The following ASPM variants were observed in gnomAD, a reference collection of about 807,000 sequenced individuals.
ASPM encodes assembly factor for spindle microtubules, also known as abnormal spindle-like microcephaly-associated protein.
Under a neutral mutation model 366.4 loss-of-function variants are expected in ASPM, and 256 were observed. That is an observed-to-expected ratio of 0.70 (90% CI 0.63 to 0.77). The LOEUF is 0.77. ASPM is among the 30% of genes least tolerant of loss of function. The pLI is 0.00. For missense variants in ASPM, 4,146 were observed against 4,090.4 expected, an observed-to-expected ratio of 1.01 and a Z score of -0.37; for synonymous variants, 1,414 against 1,342.9, an observed-to-expected ratio of 1.05 and a Z score of -1.16.
At chr1:197,090,634 T>G (rs1656748948) in intron 23 of ASPM, among the ~76,000 whole-genome samples, 1 of 152,126 alleles carries the variant, frequency 6.6e-6, no homozygotes, top group Non-Finnish European at 1.5e-5. Context: ...ATTCAAAATG[T>G]TAAAATATTT....
In ASPM at chr1:197,128,526, T is replaced by C. The variant is rs1339529540; in HGVS notation, c.2900A>G (p.Asn967Ser). 3 of 1,613,758 alleles carry C rather than the reference T, an allele frequency of 1.9e-6. No homozygotes were observed. Among genetic ancestry groups the C allele is most frequent in the Non-Finnish European group, 2.5e-6 (3 of 1,179,832 alleles). Reference sequence around the variant, plus strand: ...TCCACATTGCAAGTCTACGGCAAGATTTGTAACGGCAAAATCAAATTCATC... The same window carrying C: ...TCCACATTGCAAGTCTACGGCAAGACTTGTAACGGCAAAATCAAATTCATC... The part of the protein sequence containing the change: ...PFDEFDFAVT[N>S]LAVDLQCGVR... Residue 967 changes from asparagine (N) to serine (S), a missense_variant, in exon 10 of 28, where the codon AAT (asparagine) becomes AGT (serine). Asn to Ser is a conservative substitution (Grantham distance 46, BLOSUM62 1). Transcript: ENST00000367409.
chr1:197,105,846 C>T (rs1193365090), intron 17 of ASPM, among the ~76,000 whole-genome samples: 1 of 152,000 alleles, frequency 6.6e-6, no homozygotes, highest in African/African-American at 2.4e-5. Flanking sequence ...GCTAATCCAA[C>T]TGTATGTTGG....
In ASPM at chr1:197,102,105, G is replaced by A. The variant is rs1468520011; in HGVS notation, c.7146C>T (p.Leu2382=). 1.9e-6 allele frequency: 3 copies of A among 1,612,884 alleles called. No individual in the cohort carries two copies. Among genetic ancestry groups the A allele is most frequent in the Non-Finnish European group, 2.5e-6 (3 of 1,179,330 alleles). Reference sequence around the variant, plus strand: ...GGATCACAGCAGAGTGTCTTTGTCTGAGATAATGCTGCCTCTGCAGTTTTG... The same window carrying A: ...GGATCACAGCAGAGTGTCTTTGTCTAAGATAATGCTGCCTCTGCAGTTTTG... ...RAAKLQRQHY[L]RQRHSAVILQ... The change falls in exon 18 of 28, where the codon CTC becomes CTT. Residue 2382 remains leucine, a synonymous_variant. Coordinates refer to ENST00000367409, the MANE Select transcript of ASPM (RefSeq NM_018136.5).
chr1:197,118,868 C>G (rs1557954132), intron 16 of ASPM, among the ~76,000 whole-genome samples: 1 of 152,066 alleles, frequency 6.6e-6, no homozygotes, highest in Non-Finnish European at 1.5e-5. Flanking sequence ...ATTTACTTCA[C>G]TGGAATTGGA....
chr1:197,142,845 ATTATT>A lies in ASPM; in HGVS notation c.1402_1406del (p.Asn468SerfsTer2), dbSNP rs1245021867. 5.6e-6 allele frequency: 9 copies of A among 1,613,308 alleles called. No homozygotes were observed. Among genetic ancestry groups the A allele is most frequent in the African/African-American group, 1.3e-5 (1 of 74,878 alleles). ...TATCCTGAACTGCAGAAAATTTAGG[ATTATT>A]TTGTTTTATAAAACTGTAGTAATTT... On this transcript the variant is annotated frameshift_variant, in exon 3 of 28. Transcript: ENST00000367409. LOFTEE classifies it high-confidence loss of function.
intron 3 of ASPM, 127 bp downstream of exon 3, chr1:197,142,204 C>T: frequency 1.9e-6 from 2 of 1,035,578 alleles, no homozygotes; most frequent in Non-Finnish European, 2.9e-6. Context: ...TTCACATTTG[C>T]TAAGGAAATG....
rs774896010 is a variant in ASPM, at chr1:197,103,608, G to C, written c.5643C>G (p.Leu1881=). ...FLKTKAAVIS[L]QSAYRGWKVR... ...CCTTCCAGCCACGATAAGCAGACTG[G>C]AGGGAAATCACAGCTGCCTTTGTCT... The change falls in exon 18 of 28, where the codon CTC becomes CTG. Residue 1881 remains leucine (L), a synonymous_variant. Transcript: ENST00000367409. 3 of 1,612,870 alleles carry C rather than the reference G, an allele frequency of 1.9e-6. No homozygotes were observed. Among genetic ancestry groups the C allele is most frequent in the South Asian group, 1.1e-5 (1 of 91,066 alleles).
Position 197,100,445 on chromosome 1 carries a change from T to A in ASPM, c.8806A>T (p.Thr2936Ser). The change falls in exon 18 of 28, where the codon ACC becomes TCC. Residue 2936 changes from threonine to serine, a missense_variant. Thr to Ser is a moderately conservative substitution (Grantham distance 58). Transcript: ENST00000367409. ...KRKFQEIKNSTIKIQAMWRRY... is the reference protein window; with the variant it reads ...KRKFQEIKNSSIKIQAMWRRY... ...TATAGAAATACCTGAATTTTTATGG[T>A]GCTATTTTTAATTTCCTGAAACTTC... The A allele has an allele frequency of 6.5e-7, 1 of 1,549,298 alleles. No individual in the cohort carries two copies. Among genetic ancestry groups the A allele is most frequent in the Non-Finnish European group, 8.8e-7 (1 of 1,142,726 alleles).
chr1:197,103,345 C>A lies in ASPM; in HGVS notation c.5906G>T (p.Arg1969Met). ...KGKTLRRQLQ[R>M]QHKCAIIIQS... The stretch of plus-strand genomic sequence containing the variant: ...TATGATGATAGCACATTTATGTTGC[C>A]TTTGAAGCTGTCTTCTCAGTGTTTT... Residue 1969 changes from arginine to methionine, a missense_variant, in exon 18 of 28, where the codon AGG (arginine) becomes ATG (methionine). Physicochemically the swap from Arg to Met is moderately conservative, Grantham distance 91. Around this residue, in one of 3 missense-constraint regions of ASPM, gnomAD observed 3,624 missense variants for 3,591.7 expected, o/e 1.01. Coordinates refer to ENST00000367409, the MANE Select transcript of ASPM (RefSeq NM_018136.5). 1 of 1,613,206 alleles carries A rather than the reference C, an allele frequency of 6.2e-7. No homozygotes were observed. Among genetic ancestry groups the A allele is most frequent in the Non-Finnish European group, 8.5e-7 (1 of 1,179,454 alleles).
intron 16 of ASPM, among the ~76,000 whole-genome samples, chr1:197,119,036 T>TG (rs1657824685): frequency 6.6e-6 from 1 of 152,142 alleles, no homozygotes; most frequent in East Asian, 1.9e-4. Context: ...TAACAATCAG[T>TG]GGTTGGTATC....
intron 18 of ASPM, among the ~76,000 whole-genome samples, chr1:197,097,411 C>G (rs915150296): frequency 6.6e-6 from 1 of 151,696 alleles, no homozygotes; most frequent in African/African-American, 2.4e-5. Flanking sequence ...GGATGTTAAT[C>G]CGACTGGGTC....
intron 21 of ASPM, among the ~76,000 whole-genome samples, chr1:197,092,319 T>A (rs1656811376): frequency 6.6e-6 from 1 of 151,776 alleles, no homozygotes; most frequent in South Asian, 2.1e-4. Flanking sequence ...AGCTTCTAAT[T>A]CAACTAGACT....
In ASPM at chr1:197,135,141, T is replaced by A. The variant is rs1350609200; in HGVS notation, c.2128A>T (p.Ile710Leu). The change falls in exon 5 of 28, where the codon ATA (isoleucine) becomes TTA (leucine). Residue 710 changes from isoleucine (I) to leucine (L), a missense_variant. Physicochemically the swap from Ile to Leu is conservative, Grantham distance 5. Around this residue, in one of 3 missense-constraint regions of ASPM, gnomAD observed 3,624 missense variants for 3,591.7 expected, o/e 1.01. Transcript: ENST00000367409. ...ACAGTGAAGTCATCAGGGGTTAATA[T>A]AAAATTTAACCACCAAGTGAAGCCC... ...EQGFTWWLNFILTPDDFTVKT... is the reference protein window; with the variant it reads ...EQGFTWWLNFLLTPDDFTVKT... 1 of 1,611,014 alleles carries A rather than the reference T, an allele frequency of 6.2e-7. No homozygotes were observed. Among genetic ancestry groups the A allele is most frequent in the Non-Finnish European group, 8.5e-7 (1 of 1,177,268 alleles).
chr1:197,122,033 G>C lies in ASPM; in HGVS notation c.3752C>G (p.Thr1251Ser), dbSNP rs1657925480. 1.9e-6 allele frequency: 3 copies of C among 1,611,684 alleles called. No homozygotes were observed. Among genetic ancestry groups the C allele is most frequent in the Non-Finnish European group, 2.5e-6 (3 of 1,178,656 alleles). ...NTIPDEKVVI[T>S]YLSFLCARLL... ...CCTTGCACAAAGAAATGACAAATAG[G>C]TAATAACCACCTAAAAAAAACCCAC... is the stretch of plus-strand genomic sequence containing the variant. Residue 1251 changes from threonine to serine, a missense_variant, in exon 16 of 28, where the codon ACC becomes AGC. Thr to Ser is a moderately conservative substitution (Grantham distance 58). Transcript: ENST00000367409.
chr1:197,101,837 T>A lies in ASPM; in HGVS notation c.7414A>T (p.Met2472Leu), dbSNP rs763267401. 1.9e-6 allele frequency: 3 copies of A among 1,612,738 alleles called. No individual in the cohort carries two copies. Among genetic ancestry groups the A allele is most frequent in the Admixed American group, 3.3e-5 (2 of 59,780 alleles). The change falls in exon 18 of 28, where the codon ATG (methionine) becomes TTG (leucine). Residue 2472 changes from methionine (M) to leucine (L), a missense_variant. Around this residue, in one of 3 missense-constraint regions of ASPM, gnomAD observed 3,624 missense variants for 3,591.7 expected, o/e 1.01. Coordinates refer to ENST00000367409, the MANE Select transcript of ASPM (RefSeq NM_018136.5). ...ATTTCTTGTAACTTCTTCTTTACCA[T>A]CAGTCTTCTGTAAGATGACTGTATT... ...ITIQSSYRRLMVKKKLQEMQR... is the reference protein window; with the variant it reads ...ITIQSSYRRLLVKKKLQEMQR...
rs1251403544 is a variant in ASPM, at chr1:197,146,026, C to A, written c.297+115G>T. On this transcript the variant is annotated intron_variant, in intron 1 of 27. Transcript: ENST00000367409. ...TGAGTGAAAGGGAACTGACTTTATTCTCTAAGGGTCTTTTCTGATTTCTTC... is the reference window on the plus strand; with the variant it reads ...TGAGTGAAAGGGAACTGACTTTATTATCTAAGGGTCTTTTCTGATTTCTTC... The A allele has an allele frequency of 2.2e-5, 30 of 1,351,438 alleles. No homozygotes were observed. The East Asian group carries it at 6.7e-4, about 30-fold the overall frequency. 83.7% of individuals were successfully genotyped at this position (1,351,438 alleles called of 1,614,324 possible).
intron 3 of ASPM, 63 bp from the exon 4 acceptor site, chr1:197,139,934 G>C: frequency 1.7e-6 from 2 of 1,167,828 alleles, no homozygotes; most frequent in Non-Finnish European, 2.5e-6. Flanking sequence ...ATAGGTCAGT[G>C]ATTTGAAAGT....
Position 197,142,031 on chromosome 1 carries a change from C to T in ASPM, c.1921+300G>A, listed in dbSNP as rs116832434. On this transcript the variant is annotated intron_variant, in intron 3 of 27. Transcript: ENST00000367409. ...AGTGGTTTATTTGTTCATTTATTCA[C>T]TTATCCATTCATTCAATTCATCTTT... Among the ~76,000 whole-genome samples, 1,128 of 152,240 alleles carry T rather than the reference C, an allele frequency of 7.4e-3. 13 individuals carry two copies. Among genetic ancestry groups the T allele is most frequent in the African/African-American group, 0.026 (1,072 of 41,536 alleles).
At chr1:197,099,633 C>G (rs535257213) in intron 18 of ASPM, among the ~76,000 whole-genome samples, 1 of 151,768 alleles carries the variant, frequency 6.6e-6, no homozygotes, top group Non-Finnish European at 1.5e-5. Context: ...AGGACAGCAA[C>G]TAAGTATATC....
Sources: allele counts gnomAD v4.1 joint callset (sites outside exome capture counted in the v4.1 genomes callset), GRCh38; gene constraint gnomAD v4.1.1; regional missense constraint gnomAD v4.1.1; transcripts MANE v1.5; gene names NCBI Gene and HGNC (gene_info 2026-07-23, HGNC 2026-07-21).